The following ADCY5 variants were observed in gnomAD, a reference collection of about 807,000 sequenced individuals.
The protein encoded by ADCY5 is adenylate cyclase type 5.
A neutral mutation model predicts 119.7 loss-of-function variants in ADCY5; 30 were observed. That is an observed-to-expected ratio of 0.25 (90% CI 0.19 to 0.34). The LOEUF (loss-of-function observed/expected upper bound fraction) is 0.34. Ranked by LOEUF, ADCY5 falls within the 10% of genes least tolerant of loss-of-function variation. The pLI, the probability that ADCY5 is intolerant of heterozygous loss-of-function variation, is 1.00. For synonymous variants in ADCY5, 753 were observed against 762.2 expected (o/e 0.99, Z 0.20); for missense variants, 1,324 against 1,775.2 (o/e 0.75, Z 4.57).
At position 123,335,841 on chromosome 3, in the gene ADCY5, C is replaced by T. The variant is rs572617494; in HGVS notation, c.1407-3166G>A. The stretch of plus-strand genomic sequence containing the variant: ...GGGCAGCCCCCAACCACTGCTGTTT[C>T]CCCAAATCCTGGCTCCTCTGGCCAC... On this transcript the variant is annotated intron_variant, in intron 3 of 20. Coordinates refer to ENST00000462833, the MANE Select transcript of ADCY5 (RefSeq NM_183357.3). 3.9e-5 allele frequency among the ~76,000 whole-genome samples: 6 copies of T among 152,356 alleles called. No individual in the cohort carries two copies. The East Asian group carries it at 1.2e-3, about 29-fold the overall frequency.
intron 2 of ADCY5, among the ~76,000 whole-genome samples, chr3:123,349,448 C>T (rs941262316): frequency 5.3e-5 from 8 of 152,194 alleles, no homozygotes; most frequent in African/African-American, 1.9e-4. Flanking sequence ...TCGCCTGGCT[C>T]TTGGATTCTG....
intron 11 of ADCY5, among the ~76,000 whole-genome samples, chr3:123,314,726 C>T (rs75945675): frequency 0.015 from 2,277 of 152,272 alleles, 54 homozygotes; most frequent in African/African-American, 0.051. Context: ...CCCTCCAAGT[C>T]GTCACTCACA....
intron 15 of ADCY5, 69 bp downstream of exon 15, chr3:123,300,051 C>T (rs904827401): frequency 1.3e-6 from 2 of 1,544,546 alleles, no homozygotes; most frequent in African/African-American, 2.7e-5. Flanking sequence ...GAACCCTAAA[C>T]CTCCTGCTCT....
At chr3:123,320,040 G>A (rs1267415804) in intron 9 of ADCY5, among the ~76,000 whole-genome samples, 4 of 152,192 alleles carry the variant, frequency 2.6e-5, no homozygotes, top group Non-Finnish European at 4.4e-5. Flanking sequence ...AGTCCCCTTC[G>A]GGCTGAAGGG....
At chr3:123,412,560 G>A (rs2107625879) in intron 1 of ADCY5, among the ~76,000 whole-genome samples, 1 of 152,240 alleles carries the variant, frequency 6.6e-6, no homozygotes, top group Middle Eastern at 3.4e-3. Flanking sequence ...GGCAGATAGA[G>A]CTCGGAAAGG....
At chr3:123,408,287 A>G (rs1015126803) in intron 1 of ADCY5, among the ~76,000 whole-genome samples, 2 of 152,168 alleles carry the variant, frequency 1.3e-5, no homozygotes, top group African/African-American at 4.8e-5. Context: ...AACAGCACAC[A>G]AAAGACATTC....
intron 14 of ADCY5, among the ~76,000 whole-genome samples, chr3:123,301,639 C>A (rs1163828253): frequency 1.3e-5 from 2 of 152,196 alleles, no homozygotes; most frequent in Non-Finnish European, 2.9e-5. Flanking sequence ...TGGCACCAAG[C>A]CTCTCCCACA....
At chr3:123,431,461 A>T (rs1415531949) in intron 1 of ADCY5, among the ~76,000 whole-genome samples, 1 of 151,348 alleles carries the variant, frequency 6.6e-6, no homozygotes, top group Non-Finnish European at 1.5e-5. Context: ...AAAAAAAATG[A>T]GAGAGAGGAG....
At chr3:123,300,438 G>T in intron 14 of ADCY5, 143 bp from the exon 15 acceptor site, 1 of 971,578 alleles carries the variant, frequency 1.0e-6, no homozygotes, top group Non-Finnish European at 1.5e-6. Context: ...CAACAGGTGT[G>T]ATATAAAGTG....
intron 11 of ADCY5, among the ~76,000 whole-genome samples, chr3:123,315,276 C>T (rs980000001): frequency 6.6e-6 from 1 of 152,208 alleles, no homozygotes; most frequent in African/African-American, 2.4e-5. Context: ...CCACAAAAGC[C>T]CGGCACTTAG....
intron 1 of ADCY5, among the ~76,000 whole-genome samples, chr3:123,355,444 G>C (rs1018512108): frequency 3.3e-5 from 5 of 152,082 alleles, no homozygotes; most frequent in African/African-American, 1.2e-4. Flanking sequence ...TCCATGGCTG[G>C]TTGAATCTGT....
chr3:123,303,236 G>A lies in ADCY5; in HGVS notation c.2560-17C>T. The A allele has an allele frequency of 6.2e-7, 1 of 1,608,754 alleles. No individual in the cohort carries two copies. Among genetic ancestry groups the A allele is most frequent in the South Asian group, 1.1e-5 (1 of 90,772 alleles). ...GCACGTGAACTGGGGGGAGGAAGGA[G>A]GGTGATGAGGGGAGGGTAAGCTGCT... On this transcript the variant is annotated splice_polypyrimidine_tract_variant and intron_variant, in intron 13 of 20. Coordinates refer to ENST00000462833, the MANE Select transcript of ADCY5 (RefSeq NM_183357.3).
intron 1 of ADCY5, among the ~76,000 whole-genome samples, chr3:123,443,598 A>AGC (rs1264929480): frequency 6.6e-6 from 1 of 152,086 alleles, no homozygotes; most frequent in East Asian, 1.9e-4. Context: ...TCACCCACAC[A>AGC]GCGCCTGTGC....
intron 1 of ADCY5, among the ~76,000 whole-genome samples, chr3:123,425,637 C>T (rs903051892): frequency 1.3e-5 from 2 of 152,238 alleles, no homozygotes; most frequent in South Asian, 2.1e-4. Flanking sequence ...ATGCTGGTCA[C>T]AGGGCTGACC....
intron 1 of ADCY5, among the ~76,000 whole-genome samples, chr3:123,421,358 G>A (rs775038478): frequency 1.1e-4 from 17 of 152,168 alleles, no homozygotes; most frequent in Non-Finnish European, 2.1e-4. Flanking sequence ...ACTGCCTCAA[G>A]GTTGTACAGT....
chr3:123,320,858 A>C, intron 8 of ADCY5, 87 bp from the exon 9 acceptor site: 28 of 948,146 alleles, frequency 3.0e-5, no homozygotes, highest in Non-Finnish European at 4.3e-5. Context: ...GCTGCAGCTC[A>C]TCTCTACAGT....
chr3:123,445,650 T>G (rs1438286609), intron 1 of ADCY5, among the ~76,000 whole-genome samples: 1 of 152,190 alleles, frequency 6.6e-6, no homozygotes, highest in Non-Finnish European at 1.5e-5. Flanking sequence ...TCAAAAGTCT[T>G]CTGCAAAGCT....
At chr3:123,435,690 C>T (rs1436424261) in intron 1 of ADCY5, among the ~76,000 whole-genome samples, 1 of 151,736 alleles carries the variant, frequency 6.6e-6, no homozygotes, top group Non-Finnish European at 1.5e-5. Context: ...TGAAAAAGGG[C>T]ACAGAAAGCC....
intron 14 of ADCY5, among the ~76,000 whole-genome samples, chr3:123,301,990 C>T (rs1464261095): frequency 6.6e-6 from 1 of 152,366 alleles, no homozygotes; most frequent in East Asian, 1.9e-4. Context: ...CCTGGGCCTT[C>T]CCTGCCCTGT....
Sources: gnomAD v4.1 joint callset for allele counts (sites outside exome capture counted in the v4.1 genomes callset) on GRCh38, gnomAD v4.1.1 for gene constraint, MANE v1.5 for transcripts, NCBI Gene and HGNC (gene_info 2026-07-23, HGNC 2026-07-21) for gene names.